CCP110: variants seen among roughly 807,000 people sequenced by gnomAD.
CCP110 encodes centriolar coiled-coil protein of 110 kDa.
In CCP110, 43 loss-of-function variants were observed where a neutral mutation model predicts 105.5. That is an observed-to-expected ratio of 0.41 (90% CI 0.32 to 0.53). The LOEUF is 0.53. Ranked by LOEUF, CCP110 falls within the 20% of genes least tolerant of loss-of-function variation. The pLI, the probability that CCP110 is intolerant of heterozygous loss-of-function variation, is 0.32. For missense variants in CCP110, 1,016 were observed against 1,189.1 expected (o/e 0.85, Z 2.14); for synonymous variants, 353 against 392.1 (o/e 0.90, Z 1.18).
intron 4 of CCP110, among the ~76,000 whole-genome samples, chr16:19,539,012 T>C (rs1336028413): frequency 6.6e-6 from 1 of 151,526 alleles, no homozygotes; most frequent in African/African-American, 2.4e-5. Context: ...CTTGGGAGGC[T>C]GAGGCAGGAG....
At chr16:19,537,210 T>C (rs559174969) in exon 4 of CCP110, 18 of 1,614,134 alleles carry the variant, frequency 1.1e-5, no homozygotes, top group Admixed American at 6.7e-5. Flanking sequence ...AGTCAGTGTA[T>C]AGCAAGTCCA....
chr16:19,547,928 T>C lies in CCP110; in HGVS notation c.2841-27T>C, dbSNP rs779936695. Reference sequence around the variant, plus strand: ...AAAAAATGGAATTTAACCTATTAAATTAATTTTTCATTTAATTTGTCAACA... The same window carrying C: ...AAAAAATGGAATTTAACCTATTAAACTAATTTTTCATTTAATTTGTCAACA... On this transcript the variant is annotated intron_variant, in intron 12 of 14. Transcript: ENST00000381396. The C allele has an allele frequency of 3.2e-6, 5 of 1,542,100 alleles. No individual in the cohort carries two copies. The African/African-American group carries it at 6.8e-5, about 21-fold the overall frequency.
chr16:19,534,928 C>T (rs567178943), intron 3 of CCP110, among the ~76,000 whole-genome samples: 186 of 146,040 alleles, frequency 1.3e-3, no homozygotes, highest in African/African-American at 4.3e-3. Flanking sequence ...TCGCCCAGGC[C>T]GGAGTGCAGT....
At chr16:19,531,822 T>C (rs982013599) in intron 2 of CCP110, among the ~76,000 whole-genome samples, 4 of 151,980 alleles carry the variant, frequency 2.6e-5, no homozygotes, top group Admixed American at 2.6e-4. Flanking sequence ...AAAAATTAGC[T>C]GGGCGTGGTG....
rs1245355979 is a variant in CCP110 at position 19,548,408 on chromosome 16, A to G, written c.2901-107A>G. The G allele has an allele frequency of 1.4e-6, 1 of 727,124 alleles. No individual in the cohort carries two copies. Among genetic ancestry groups the G allele is most frequent in the Non-Finnish European group, 2.2e-6 (1 of 445,786 alleles). 45.0% of individuals were successfully genotyped at this position (727,124 alleles called of 1,614,324 possible). ...ATGCATGAGACTTCAGTTCTTTTCA[A>G]GCTTATTTGTGCTTTGGACAGTTGA... On this transcript the variant is annotated intron_variant, in intron 13 of 14. Coordinates refer to ENST00000381396, the Ensembl canonical transcript of CCP110. This position sits in a 1 kb window ranked among gnomAD's most constrained non-coding sequence, Gnocchi z 4.1.
chr16:19,539,392 T>C (rs1201901163), intron 4 of CCP110, among the ~76,000 whole-genome samples: 1 of 150,324 alleles, frequency 6.7e-6, no homozygotes, highest in African/African-American at 2.5e-5. Flanking sequence ...TGAGACAGGG[T>C]CTTGCTCCGT....
chr16:19,531,645 G>A lies in CCP110; in HGVS notation c.142-771G>A, dbSNP rs59702985. Among the ~76,000 whole-genome samples, 1,384 of 152,318 alleles carry A rather than the reference G, an allele frequency of 9.1e-3. 18 individuals carry two copies. Among genetic ancestry groups the A allele is most frequent in the African/African-American group, 0.032 (1,317 of 41,574 alleles). ...TGCACTGGTTAGAAAATTAAAAGTT[G>A]TAGAATCCAGTTGATCCAGTGAAAT... On this transcript the variant is annotated intron_variant, in intron 2 of 14. Transcript: ENST00000381396.
intron 12 of CCP110, chr16:19,547,512 A>G (rs1181516136): frequency 1.3e-5 from 2 of 155,544 alleles, no homozygotes; most frequent in African/African-American, 4.8e-5. Context: ...AGAAATTCAA[A>G]CCAGTATGGG....
At chr16:19,535,108 C>T (rs927040357) in intron 3 of CCP110, among the ~76,000 whole-genome samples, 1 of 151,988 alleles carries the variant, frequency 6.6e-6, no homozygotes, top group African/African-American at 2.4e-5. Context: ...TCTTGATCTC[C>T]TGACCTCATG....
At chr16:19,552,324 G>GT (rs1359994087) in exon 15 of CCP110, 2 of 152,200 alleles carry the variant, frequency 1.3e-5, no homozygotes, top group Admixed American at 1.3e-4. Flanking sequence ...GAGGTCAGGA[G>GT]TTTGAGACCA....
At chr16:19,540,931 T>C (rs895856837) in intron 5 of CCP110, 144 bp downstream of exon 5, 1 of 542,920 alleles carries the variant, frequency 1.8e-6, no homozygotes, top group Non-Finnish European at 3.2e-6. Flanking sequence ...GAATGGTATT[T>C]TTTGTCAAAA....
At chr16:19,530,746 G>A (rs1282601418) in intron 2 of CCP110, among the ~76,000 whole-genome samples, 1 of 151,942 alleles carries the variant, frequency 6.6e-6, no homozygotes, top group Non-Finnish European at 1.5e-5. Context: ...TTGAGGTCAG[G>A]AGTTCGAGAC....
chr16:19,537,323 C>T lies in CCP110; in HGVS notation c.1654C>T (p.Pro552Ser), dbSNP rs376813668. 3.1e-6 allele frequency: 5 copies of T among 1,614,136 alleles called. No homozygotes were observed. In the Admixed American group the frequency reaches 8.3e-5, roughly 27 times the overall value. ...GTCTTATGATGTAAAAAACCCTTCT[C>T]CTTTATTGATGCAAAACCAGAATAC... Residue 552 changes from proline to serine, a missense_variant, in exon 4 of 15, where the codon CCT (proline) becomes TCT (serine). Transcript: ENST00000381396.
At chr16:19,537,645 CTTAATTG>C (rs1970124997) in intron 4 of CCP110, 58 bp downstream of exon 4, 4 of 964,114 alleles carry the variant, frequency 4.1e-6, no homozygotes. Context: ...TTTTAATACT[CTTAATTG>C]ACATTTTTGG....
At position 19,542,854 on chromosome 16, in the gene CCP110, T is replaced by C. The variant is rs758092604; in HGVS notation, c.2368-24T>C. 5 of 1,543,360 alleles carry C rather than the reference T, an allele frequency of 3.2e-6. No individual in the cohort carries two copies. The South Asian group carries it at 3.4e-5, about 10-fold the overall frequency. On this transcript the variant is annotated intron_variant, in intron 7 of 14. Coordinates refer to ENST00000381396, the Ensembl canonical transcript of CCP110. ...CTGTATAAATGAACACCAATAAACA[T>C]TGTGTCTGTCTTCTTTCTCCTAGGT...
At chr16:19,541,712 G>C (rs1330976577) in intron 5 of CCP110, among the ~76,000 whole-genome samples, 175 bp from the exon 6 acceptor site, 1 of 149,846 alleles carries the variant, frequency 6.7e-6, no homozygotes, top group Non-Finnish European at 1.5e-5. Flanking sequence ...AAGAAAAGAG[G>C]GAGGGAGGGA....
chr16:19,535,176 C>T (rs1364517817), intron 3 of CCP110, among the ~76,000 whole-genome samples: 11 of 152,086 alleles, frequency 7.2e-5, no homozygotes, highest in South Asian at 2.1e-4. Context: ...CACCATGCCC[C>T]GCCAGTAGTC....
At chr16:19,540,592 TG>T in intron 4 of CCP110, 64 bp from the exon 5 acceptor site, 1 of 1,281,542 alleles carries the variant, frequency 7.8e-7, no homozygotes, top group Non-Finnish European at 1.1e-6. Flanking sequence ...TTTAAATTGA[TG>T]GTATAAAATA....
At chr16:19,530,068 G>A (rs1390557329) in intron 2 of CCP110, among the ~76,000 whole-genome samples, 3 of 151,512 alleles carry the variant, frequency 2.0e-5, no homozygotes, top group Non-Finnish European at 2.9e-5. Context: ...GTGGTGGCGC[G>A]CACCAGGAGT....
Sources: allele counts gnomAD v4.1 joint callset (sites outside exome capture counted in the v4.1 genomes callset), GRCh38; gene constraint gnomAD v4.1.1; non-coding constraint Gnocchi (gnomAD v3.1); transcripts MANE v1.5; gene names NCBI Gene and HGNC (gene_info 2026-07-23, HGNC 2026-07-21).